Variants in KCNB2 observed in about 807,000 individuals in gnomAD.
KCNB2 encodes potassium voltage-gated channel subfamily B member 2, also known as delayed rectifier potassium channel protein.
A neutral mutation model predicts 61.5 loss-of-function variants in KCNB2; 15 were observed. The observed-to-expected ratio is 0.24, with a 90% CI of 0.16 to 0.38. KCNB2 has a LOEUF of 0.38. Ranked by LOEUF, KCNB2 falls within the 10% of genes least tolerant of loss-of-function variation. KCNB2 has a pLI of 1.00. For missense variants in KCNB2, 828 were observed against 1,125.2 expected, an observed-to-expected ratio of 0.74 and a Z score of 3.78; for synonymous variants, 457 against 446.0, an observed-to-expected ratio of 1.02 and a Z score of -0.31.
At chr8:72,651,813 A>G (rs1806214791) in intron 2 of KCNB2, among the ~76,000 whole-genome samples, 1 of 151,986 alleles carries the variant, frequency 6.6e-6, no homozygotes, top group African/African-American at 2.4e-5. Flanking sequence ...TCAGAAATTA[A>G]CCCCTAATTT....
chr8:72,929,918 T>G (rs1160500663), intron 2 of KCNB2, among the ~76,000 whole-genome samples: 2 of 151,574 alleles, frequency 1.3e-5, no homozygotes, highest in East Asian at 2.0e-4. Context: ...TCATTTACAT[T>G]AGGTATATCT....
rs541830763 is a variant in KCNB2, at chr8:72,619,614, C to T, written c.579+51301C>T. On this transcript the variant is annotated intron_variant, in intron 2 of 2. Transcript: ENST00000523207. ...TAGCTGCCACTCCTGCCACTTCACA[C>T]GGAACTCCTCAAGGAAGAAGTGCCC... 1.2e-3 allele frequency among the ~76,000 whole-genome samples: 179 copies of T among 151,872 alleles called. 1 individual carries two copies. The highest frequency in any genetic ancestry group is 1.9e-3 in the African/African-American group (77 of 41,406).
chr8:72,890,090 G>A (rs1178250260), intron 2 of KCNB2, among the ~76,000 whole-genome samples: 3 of 152,170 alleles, frequency 2.0e-5, no homozygotes, highest in Admixed American at 6.6e-5. Context: ...GAAAAAAGAA[G>A]GATGGAGAAC....
intron 2 of KCNB2, among the ~76,000 whole-genome samples, chr8:72,898,412 T>G (rs1215791764): frequency 3.9e-5 from 6 of 152,020 alleles, no homozygotes; most frequent in Non-Finnish European, 7.4e-5. Context: ...CTGCACGTTG[T>G]GTACATGTAC....
chr8:72,655,113 C>T (rs957046734), intron 2 of KCNB2, among the ~76,000 whole-genome samples: 17 of 152,092 alleles, frequency 1.1e-4, no homozygotes, highest in African/African-American at 4.1e-4. Context: ...TACTACACAG[C>T]TATAAAAAAG....
At chr8:72,744,597 A>T (rs1402894197) in intron 2 of KCNB2, among the ~76,000 whole-genome samples, 2 of 152,186 alleles carry the variant, frequency 1.3e-5, no homozygotes, top group African/African-American at 2.4e-5. Flanking sequence ...TAGCTCCAGG[A>T]TGGGGCTAAA....
chr8:72,872,521 T>C (rs1205173824), intron 2 of KCNB2, among the ~76,000 whole-genome samples: 3 of 152,142 alleles, frequency 2.0e-5, no homozygotes, highest in African/African-American at 7.2e-5. Context: ...GGAAGAAACT[T>C]CCCCCAGAAG....
At chr8:72,852,128 C>T (rs1354998654) in intron 2 of KCNB2, among the ~76,000 whole-genome samples, 1 of 151,996 alleles carries the variant, frequency 6.6e-6, no homozygotes, top group African/African-American at 2.4e-5. Flanking sequence ...GGCTTGGTGG[C>T]GCACATCTGT....
intron 2 of KCNB2, among the ~76,000 whole-genome samples, chr8:72,792,285 T>C (rs2128998809): frequency 6.6e-6 from 1 of 152,328 alleles, no homozygotes; most frequent in South Asian, 2.1e-4. Context: ...TTCTCTGGCT[T>C]AATCAGCATT....
chr8:72,803,046 C>T (rs561533940), intron 2 of KCNB2, among the ~76,000 whole-genome samples: 1 of 152,264 alleles, frequency 6.6e-6, no homozygotes, highest in East Asian at 1.9e-4. Context: ...TGATCGCCAC[C>T]ATGAGACACA....
chr8:72,928,386 A>G (rs1313667175), intron 2 of KCNB2, among the ~76,000 whole-genome samples: 1 of 151,794 alleles, frequency 6.6e-6, no homozygotes, highest in Non-Finnish European at 1.5e-5. Flanking sequence ...GGTAGAGACA[A>G]GATTTCACCA....
intron 2 of KCNB2, among the ~76,000 whole-genome samples, chr8:72,746,264 G>A (rs996918276): frequency 6.6e-6 from 1 of 152,148 alleles, no homozygotes; most frequent in Non-Finnish European, 1.5e-5. Context: ...CCTCTACCAA[G>A]TGCATGTTGT....
intron 2 of KCNB2, among the ~76,000 whole-genome samples, chr8:72,827,371 AT>A (rs937995511): frequency 1.4e-4 from 22 of 152,314 alleles, no homozygotes; most frequent in African/African-American, 4.8e-4. Flanking sequence ...TATCAGAGAT[AT>A]TTTTTAAACC....
chr8:72,636,768 A>T (rs1167053765), intron 2 of KCNB2, among the ~76,000 whole-genome samples: 1 of 152,160 alleles, frequency 6.6e-6, no homozygotes, highest in Non-Finnish European at 1.5e-5. Context: ...AATTTTTGTC[A>T]TGACAGTTCA....
intron 2 of KCNB2, among the ~76,000 whole-genome samples, chr8:72,896,235 G>T (rs1407358966): frequency 6.6e-6 from 1 of 152,092 alleles, no homozygotes; most frequent in African/African-American, 2.4e-5. Context: ...CAAGGTCACT[G>T]TTTATCTGTT....
chr8:72,892,033 G>A (rs1414146225), intron 2 of KCNB2, among the ~76,000 whole-genome samples: 1 of 152,100 alleles, frequency 6.6e-6, no homozygotes, highest in African/African-American at 2.4e-5. Flanking sequence ...GTGGGTTAAA[G>A]GATGGAGGGA....
At chr8:72,762,670 C>A (rs1808400048) in intron 2 of KCNB2, among the ~76,000 whole-genome samples, 1 of 151,880 alleles carries the variant, frequency 6.6e-6, no homozygotes, top group South Asian at 2.1e-4. Context: ...TCAGAGGATT[C>A]AATGAAATAA....
At chr8:72,730,814 C>A (rs142686178) in intron 2 of KCNB2, among the ~76,000 whole-genome samples, 36 of 152,208 alleles carry the variant, frequency 2.4e-4, no homozygotes, top group Non-Finnish European at 4.9e-4. Flanking sequence ...CCAACTTGGA[C>A]AATTTCTTAT....
chr8:72,862,895 A>C (rs1282945573), intron 2 of KCNB2, among the ~76,000 whole-genome samples: 1 of 152,200 alleles, frequency 6.6e-6, no homozygotes, highest in Non-Finnish European at 1.5e-5. Context: ...AAAGGTCAGC[A>C]TACACTCTTC....
Sources: gnomAD v4.1 joint callset for allele counts (sites outside exome capture counted in the v4.1 genomes callset) on GRCh38, gnomAD v4.1.1 for gene constraint, MANE v1.5 for transcripts, NCBI Gene and HGNC (gene_info 2026-07-23, HGNC 2026-07-21) for gene names.